Variants in IL1RAPL1 observed in about 807,000 individuals in gnomAD.
IL1RAPL1 encodes the protein interleukin 1 receptor accessory protein like 1, also known as interleukin-1 receptor accessory protein-like 1.
A neutral mutation model predicts 48.4 loss-of-function variants in IL1RAPL1; 3 were observed. The ratio of observed to expected loss-of-function variants is 0.06; its 90% CI spans 0.03 to 0.16. The LOEUF (loss-of-function observed/expected upper bound fraction) is 0.16, where lower values mean the gene tolerates loss of function less well. Ranked by LOEUF, IL1RAPL1 falls within the 10% of genes least tolerant of loss-of-function variation. The probability of loss-of-function intolerance (pLI) is 1.00; values close to 1 mark genes in which losing one functional copy is unlikely to be tolerated. For missense variants in IL1RAPL1, 349 were observed against 530.6 expected (o/e 0.66, Z 3.36); for synonymous variants, 185 against 187.7 (o/e 0.99, Z 0.12).
At chrX:28,700,351 T>G (rs1167768471) in intron 1 of IL1RAPL1, among the ~76,000 whole-genome samples, 2 of 110,808 alleles carry the variant, frequency 1.8e-5, no homozygotes, top group Non-Finnish European at 3.8e-5. Flanking sequence ...TAATTGCCAA[T>G]ATAATAGCTA....
chrX:29,322,235 G>A (rs1383604068), intron 3 of IL1RAPL1, among the ~76,000 whole-genome samples: 1 of 99,950 alleles, frequency 1.0e-5, no homozygotes, highest in Non-Finnish European at 2.1e-5. Context: ...CTTTCTTTCT[G>A]TCTTTCTGTC....
intron 2 of IL1RAPL1, among the ~76,000 whole-genome samples, chrX:29,034,125 C>T (rs1420609329): frequency 8.9e-6 from 1 of 112,141 alleles, no homozygotes; most frequent in East Asian, 2.8e-4. Flanking sequence ...CTTCTCACTT[C>T]AGAACTTAGT....
At chrX:28,724,785 C>T (rs1935643198) in intron 1 of IL1RAPL1, among the ~76,000 whole-genome samples, 1 of 110,143 alleles carries the variant, frequency 9.1e-6, no homozygotes, top group Non-Finnish European at 1.9e-5. Flanking sequence ...CAGACCTGCC[C>T]TACAAGAATG....
In IL1RAPL1 at chrX:29,177,728, A is replaced by G. The variant is rs745923023; in HGVS notation, c.83-105210A>G. 9.0e-5 allele frequency among the ~76,000 whole-genome samples: 10 copies of G among 111,395 alleles called. No individual in the cohort carries two copies. In the East Asian group the frequency reaches 2.8e-3, roughly 32 times the overall value. ...TCACTTACATTAGGTATTTCTCCTA[A>G]TGCTATCCCTCCCCCAGCCCCCGAC... On this transcript the variant is annotated intron_variant, in intron 2 of 10. Transcript: ENST00000378993.
chrX:28,963,791 C>T (rs750898031), intron 2 of IL1RAPL1, among the ~76,000 whole-genome samples: 1 of 111,153 alleles, frequency 9.0e-6, no homozygotes, highest in Non-Finnish European at 1.9e-5. Context: ...CCATCATCTT[C>T]TCTCTCTTAT....
intron 2 of IL1RAPL1, among the ~76,000 whole-genome samples, chrX:28,962,669 A>G (rs1924812087): frequency 9.0e-6 from 1 of 111,701 alleles, no homozygotes; most frequent in African/African-American, 3.2e-5. Flanking sequence ...ATAACACAGC[A>G]TGTGTTATAC....
chrX:29,863,037 G>A lies in IL1RAPL1; in HGVS notation c.779-54427G>A, dbSNP rs138499045. Among the ~76,000 whole-genome samples, 377 of 108,001 alleles carry A rather than the reference G, an allele frequency of 3.5e-3. 1 individual carries two copies. The highest frequency in any genetic ancestry group is 0.011 in the African/African-American group (336 of 29,589). The allele number at this position is 108,001 out of a possible 115,157, so 93.8% of individuals were successfully genotyped here. A position where few individuals can be genotyped will look rare whatever the true frequency, so the allele number is the denominator to read the frequency against. ...GACATTTTTTACCCACTGAACTGAGGGTGAAAAATGTAGTCACAAAAGACC... is the reference window on the plus strand; with the variant it reads ...GACATTTTTTACCCACTGAACTGAGAGTGAAAAATGTAGTCACAAAAGACC... On this transcript the variant is annotated intron_variant, in intron 6 of 10. Coordinates refer to ENST00000378993, the MANE Select transcript of IL1RAPL1 (RefSeq NM_014271.4).
intron 2 of IL1RAPL1, among the ~76,000 whole-genome samples, chrX:29,118,017 ATT>A (rs1928709677): frequency 8.9e-6 from 1 of 112,021 alleles, no homozygotes; most frequent in Non-Finnish European, 1.9e-5. Flanking sequence ...TGACTCAAAT[ATT>A]ATCAACAATG....
chrX:28,800,885 TTA>T (rs1936666505), intron 2 of IL1RAPL1, among the ~76,000 whole-genome samples: 1 of 107,044 alleles, frequency 9.3e-6, no homozygotes, highest in Non-Finnish European at 1.9e-5. Context: ...ATTTATTTAT[TTA>T]TTTATTTATT....
chrX:29,031,658 T>C (rs1392766132), intron 2 of IL1RAPL1, among the ~76,000 whole-genome samples: 1 of 111,875 alleles, frequency 8.9e-6, no homozygotes, highest in Non-Finnish European at 1.9e-5. Context: ...TCATGGATAA[T>C]TTGTGGGTTT....
At chrX:29,802,763 A>G (rs866657144) in intron 6 of IL1RAPL1, among the ~76,000 whole-genome samples, 8 of 23,879 alleles carry the variant, frequency 3.4e-4, no homozygotes, top group Admixed American at 8.0e-4. Flanking sequence ...ATATATATAT[A>G]TATATATATA....
At chrX:28,763,526 G>T (rs1196955896) in intron 1 of IL1RAPL1, among the ~76,000 whole-genome samples, 1 of 111,583 alleles carries the variant, frequency 9.0e-6, no homozygotes, top group African/African-American at 3.3e-5. Context: ...TGTTGAATCA[G>T]AAATACAGGG....
chrX:29,440,538 A>G (rs1934537074), intron 5 of IL1RAPL1, among the ~76,000 whole-genome samples: 1 of 112,118 alleles, frequency 8.9e-6, no homozygotes, highest in Admixed American at 9.5e-5. Context: ...ATCATTCATA[A>G]GAGAGGAGCT....
rs748535251 is a variant in IL1RAPL1, at chrX:29,230,528, A to AAAAAAAAAAAAC, written c.83-52403_83-52402insAAAACAAAAAAA. On this transcript the variant is annotated intron_variant, in intron 2 of 10. Transcript: ENST00000378993. ...CCAAAAAAAAAAAAAAAAAAAAAAA[A>AAAAAAAAAAAAC]AAAAAAACCTTGTTGTCTCTCAGGC... Among the ~76,000 whole-genome samples, 29 of 99,119 alleles carry AAAAAAAAAAAAC rather than the reference A, an allele frequency of 2.9e-4. 1 individual carries two copies. The highest frequency in any genetic ancestry group is 4.9e-4 in the Non-Finnish European group (24 of 48,836). The allele number at this position is 99,119 out of a possible 115,157, so 86.1% of individuals were successfully genotyped here.
intron 2 of IL1RAPL1, among the ~76,000 whole-genome samples, chrX:29,198,287 TTTTTTCTTTTTTTC>T (rs1440415627): frequency 1.8e-5 from 2 of 109,841 alleles, no homozygotes; most frequent in Non-Finnish European, 3.8e-5. Flanking sequence ...TTTAGGTTTT[TTTTTTCTTTTTTTC>T]TTTTTCTTTT....
chrX:28,941,344 G>A (rs1924158936), intron 2 of IL1RAPL1, among the ~76,000 whole-genome samples: 1 of 111,191 alleles, frequency 9.0e-6, no homozygotes, highest in Non-Finnish European at 1.9e-5. Flanking sequence ...CTCTCTGCAA[G>A]ATATTTACTT....
At chrX:29,073,667 C>A (rs912159182) in intron 2 of IL1RAPL1, among the ~76,000 whole-genome samples, 1 of 111,911 alleles carries the variant, frequency 8.9e-6, no homozygotes, top group Non-Finnish European at 1.9e-5. Context: ...TTGGGTGAAC[C>A]TGACTCACTC....
intron 2 of IL1RAPL1, among the ~76,000 whole-genome samples, chrX:28,853,184 C>T (rs1921709339): frequency 9.0e-6 from 1 of 111,709 alleles, no homozygotes; most frequent in African/African-American, 3.2e-5. Context: ...TGAATGCAGA[C>T]TGTCTACAGC....
chrX:29,760,209 A>C (rs1471691230), intron 6 of IL1RAPL1, among the ~76,000 whole-genome samples: 1 of 111,361 alleles, frequency 9.0e-6, no homozygotes, highest in African/African-American at 3.3e-5. Flanking sequence ...GGTGTGGACA[A>C]TTTCTTATAA....
Sources: allele counts gnomAD v4.1 joint callset (sites outside exome capture counted in the v4.1 genomes callset), GRCh38; gene constraint gnomAD v4.1.1; transcripts MANE v1.5; gene names NCBI Gene and HGNC (gene_info 2026-07-23, HGNC 2026-07-21).